Variants in ZNF804B observed in about 807,000 individuals in gnomAD.
The protein encoded by ZNF804B is zinc finger 804B.
Under a neutral mutation model 101.4 loss-of-function variants are expected in ZNF804B, and 80 were observed. The observed-to-expected ratio is 0.79, with a 90% CI of 0.66 to 0.95. The LOEUF is 0.95. Among genes scored for constraint, ZNF804B ranks in the 40% least tolerant of loss-of-function variants. ZNF804B has a pLI of 0.00. For missense variants in ZNF804B, 1,673 were observed against 1,561.9 expected (o/e 1.07, Z -1.20); for synonymous variants, 622 against 558.8 (o/e 1.11, Z -1.59).
chr7:89,035,912 A>G lies in ZNF804B; in HGVS notation c.109-182243A>G, dbSNP rs1316873343. 3.4e-5 allele frequency among the ~76,000 whole-genome samples: 5 copies of G among 145,112 alleles called. No individual in the cohort carries two copies. In the East Asian group the frequency reaches 7.8e-4, roughly 23 times the overall value. On this transcript the variant is annotated intron_variant, in intron 1 of 3. Coordinates refer to ENST00000333190, the MANE Select transcript of ZNF804B (RefSeq NM_181646.5). ...ACATTATATTATTATATATTTATAT[A>G]TTATATATAATATATTAATATATTA...
chr7:89,120,657 C>CAAAAAA (rs10636811), intron 1 of ZNF804B, among the ~76,000 whole-genome samples: 28,560 of 102,408 alleles, frequency 0.28, 4,544 homozygotes, highest in East Asian at 0.48. Flanking sequence ...GACTCCGCCT[C>CAAAAAA]AAAAAAAAAA....
chr7:89,111,436 A>G (rs1294859082), intron 1 of ZNF804B, among the ~76,000 whole-genome samples: 1 of 88,386 alleles, frequency 1.1e-5, no homozygotes. Context: ...GTAGGTGTGT[A>G]GTATTGCCTT....
At chr7:88,879,012 A>G (rs1027745179) in intron 1 of ZNF804B, among the ~76,000 whole-genome samples, 1 of 152,174 alleles carries the variant, frequency 6.6e-6, no homozygotes, top group Non-Finnish European at 1.5e-5. Flanking sequence ...AGGCAATATT[A>G]GGTTCACGAT....
At chr7:89,186,336 C>T (rs574507252) in intron 1 of ZNF804B, among the ~76,000 whole-genome samples, 1 of 152,042 alleles carries the variant, frequency 6.6e-6, no homozygotes, top group Non-Finnish European at 1.5e-5. Flanking sequence ...CAAGTTTGCT[C>T]TGACCTACCT....
intron 1 of ZNF804B, among the ~76,000 whole-genome samples, chr7:88,899,188 C>T (rs1179269217): frequency 6.6e-6 from 1 of 152,156 alleles, no homozygotes; most frequent in Non-Finnish European, 1.5e-5. Context: ...AGAAATTCCG[C>T]ATTCTTTATA....
At chr7:89,077,594 G>A (rs1789634045) in intron 1 of ZNF804B, among the ~76,000 whole-genome samples, 1 of 152,082 alleles carries the variant, frequency 6.6e-6, no homozygotes, top group Non-Finnish European at 1.5e-5. Context: ...TTTATGTTCT[G>A]CTCAAGTTCA....
chr7:89,099,013 G>A (rs73391284), intron 1 of ZNF804B, among the ~76,000 whole-genome samples: 3,383 of 147,450 alleles, frequency 0.023, 152 homozygotes, highest in African/African-American at 0.079. Flanking sequence ...AATTATATAC[G>A]TTTGAATATT....
At chr7:88,919,331 T>C (rs1255434338) in intron 1 of ZNF804B, among the ~76,000 whole-genome samples, 1 of 152,040 alleles carries the variant, frequency 6.6e-6, no homozygotes, top group Non-Finnish European at 1.5e-5. Flanking sequence ...TTGGAATAAA[T>C]AGGAAAAGAA....
intron 1 of ZNF804B, among the ~76,000 whole-genome samples, chr7:88,891,350 A>G (rs944846988): frequency 2.6e-5 from 4 of 152,084 alleles, no homozygotes; most frequent in African/African-American, 9.7e-5. Context: ...TCTAACAAAT[A>G]TTTTAATTAA....
chr7:88,839,958 C>G (rs1791271534), intron 1 of ZNF804B, among the ~76,000 whole-genome samples: 1 of 152,100 alleles, frequency 6.6e-6, no homozygotes, highest in Admixed American at 6.6e-5. Flanking sequence ...GGTGCTAGCC[C>G]TTTTCCATTA....
intron 1 of ZNF804B, among the ~76,000 whole-genome samples, chr7:88,829,421 G>A (rs1405906797): frequency 3.3e-5 from 5 of 151,956 alleles, no homozygotes; most frequent in Admixed American, 2.6e-4. Context: ...CCCTTCTGGT[G>A]ATTAATAAAT....
chr7:88,764,623 A>G (rs567528971), intron 1 of ZNF804B, among the ~76,000 whole-genome samples: 40 of 152,178 alleles, frequency 2.6e-4, no homozygotes, highest in Non-Finnish European at 5.3e-4. Flanking sequence ...TTGAAGATAC[A>G]TCCATCCATC....
At chr7:89,187,727 C>A (rs1352104234) in intron 1 of ZNF804B, among the ~76,000 whole-genome samples, 1 of 152,138 alleles carries the variant, frequency 6.6e-6, no homozygotes, top group Non-Finnish European at 1.5e-5. Flanking sequence ...GTCTCACTTT[C>A]ATATTTTATT....
At chr7:89,028,434 A>C (rs1788782729) in intron 1 of ZNF804B, among the ~76,000 whole-genome samples, 2 of 152,224 alleles carry the variant, frequency 1.3e-5, no homozygotes, top group African/African-American at 4.8e-5. Flanking sequence ...TTGAGGTTGG[A>C]AACTATGAAG....
At chr7:89,016,913 T>C (rs1032884429) in intron 1 of ZNF804B, among the ~76,000 whole-genome samples, 1 of 152,234 alleles carries the variant, frequency 6.6e-6, no homozygotes, top group African/African-American at 2.4e-5. Context: ...ATTGAATCTA[T>C]AAATTACCTT....
intron 2 of ZNF804B, among the ~76,000 whole-genome samples, chr7:89,321,216 C>T (rs1790814452): frequency 6.6e-6 from 1 of 152,102 alleles, no homozygotes; most frequent in Admixed American, 6.5e-5. Context: ...CACGTTGGCT[C>T]ACGCCTGTAA....
rs188105701 is a variant in ZNF804B at position 88,997,039 on chromosome 7, C to G, written c.109-221116C>G. On this transcript the variant is annotated intron_variant, in intron 1 of 3. Coordinates refer to ENST00000333190, the MANE Select transcript of ZNF804B (RefSeq NM_181646.5). ...GTAGCATGTAAAAATTGAATTACTTCTTAGAAATATTTGCATAATGCTTTT... is the reference window on the plus strand; with the variant it reads ...GTAGCATGTAAAAATTGAATTACTTGTTAGAAATATTTGCATAATGCTTTT... Among the ~76,000 whole-genome samples, 381 of 152,122 alleles carry G rather than the reference C, an allele frequency of 2.5e-3. 2 individuals are homozygous for G. Among genetic ancestry groups the G allele is most frequent in the African/African-American group, 8.6e-3 (358 of 41,510 alleles).
Position 89,327,386 on chromosome 7 carries a change from G to T in ZNF804B, c.292G>T (p.Ala98Ser), listed in dbSNP as rs1382335827. The T allele has an allele frequency of 2.5e-6, 4 of 1,609,864 alleles. No homozygotes were observed. Among genetic ancestry groups the T allele is most frequent in the Non-Finnish European group, 3.4e-6 (4 of 1,178,140 alleles). The change falls in exon 3 of 4, where the codon GCT (alanine) becomes TCT (serine). Residue 98 changes from alanine (A) to serine (S), a missense_variant. By Grantham distance (99) the Ala-to-Ser change is moderately conservative. Transcript: ENST00000333190. ...GCAACGGGAATTTGCTCGAAATGTA[G>T]CTTCTAAGTCATGGAAAGATGAGAA... ...LKQREFARNV[A>S]SKSWKDEKKQ...
At position 88,940,412 on chromosome 7, in the gene ZNF804B, C is replaced by A. The variant is rs1411962796; in HGVS notation, c.108+180328C>A. ...TATTCAACTAAAGAAATTCAAAAGG[C>A]CAAAGTTAACCTTAATAAATAATAC... On this transcript the variant is annotated intron_variant, in intron 1 of 3. Coordinates refer to ENST00000333190, the MANE Select transcript of ZNF804B (RefSeq NM_181646.5). 2.0e-5 allele frequency among the ~76,000 whole-genome samples: 3 copies of A among 151,680 alleles called. No individual in the cohort carries two copies. The East Asian group carries it at 5.8e-4, about 30-fold the overall frequency.
Sources: allele counts gnomAD v4.1 joint callset (sites outside exome capture counted in the v4.1 genomes callset), GRCh38; gene constraint gnomAD v4.1.1; transcripts MANE v1.5; gene names NCBI Gene and HGNC (gene_info 2026-07-23, HGNC 2026-07-21).